The following REPS2 variants were observed in gnomAD, a reference collection of about 807,000 sequenced individuals.
REPS2 encodes ralBP1-associated Eps domain-containing protein 2.
REPS2 carries 23 observed loss-of-function variants against 53.6 expected under a neutral mutation model. The ratio of observed to expected loss-of-function variants is 0.43; its 90% CI spans 0.31 to 0.61. The LOEUF (loss-of-function observed/expected upper bound fraction) is 0.61, where lower values mean the gene tolerates loss of function less well. REPS2 is among the 20% of genes least tolerant of loss of function. REPS2 has a pLI of 0.11. For synonymous variants in REPS2, 238 were observed against 218.6 expected (o/e 1.09, Z -0.78); for missense variants, 446 against 534.9 (o/e 0.83, Z 1.64).
At chrX:17,155,862 T>G (rs2063609425), downstream of REPS2, among the ~76,000 whole-genome samples, 1 of 111,708 alleles carries the variant, frequency 9.0e-6, no homozygotes, top group African/African-American at 3.3e-5. Flanking sequence ...CTTCAGCTCT[T>G]TTTGAAAGGG....
intron 1 of REPS2, among the ~76,000 whole-genome samples, chrX:16,961,720 GAA>G (rs1212429682): frequency 8.9e-6 from 1 of 111,931 alleles, no homozygotes; most frequent in Non-Finnish European, 1.9e-5. Context: ...TGAATTGGAA[GAA>G]AATATTTGCG....
At chrX:17,084,973 A>G (rs1008154638) in intron 13 of REPS2, among the ~76,000 whole-genome samples, 1 of 110,969 alleles carries the variant, frequency 9.0e-6, no homozygotes, top group Non-Finnish European at 1.9e-5. Context: ...GGTCACAAAC[A>G]CTCCTCTTTT....
At chrX:17,072,186 A>G (rs1459671897) in intron 11 of REPS2, among the ~76,000 whole-genome samples, 2 of 112,521 alleles carry the variant, frequency 1.8e-5, no homozygotes, top group Non-Finnish European at 3.8e-5. Flanking sequence ...AACTAAATTT[A>G]GAAACCAGAT....
At chrX:16,951,546 C>A (rs1009815852) in intron 1 of REPS2, among the ~76,000 whole-genome samples, 3 of 36,181 alleles carry the variant, frequency 8.3e-5, no homozygotes, top group African/African-American at 1.3e-4. Context: ...CACACACACA[C>A]ACACACACAC....
chrX:17,128,349 G>A (rs993127275), intron 14 of REPS2, among the ~76,000 whole-genome samples: 1 of 109,471 alleles, frequency 9.1e-6, no homozygotes, highest in East Asian at 2.9e-4. Flanking sequence ...CCCTGTTTGA[G>A]ACAGGGGACT....
rs2061977971 is a variant in REPS2 at position 17,050,198 on chromosome X, T to TTTCTCTCTTTC, written c.908-2182_908-2181insCTCTCTTTCTT. ...TCTTTCTTTCTTTCTTTCTTTCTTT[T>TTTCTCTCTTTC]TTTTTTTTTTTTGACAGGGTCTTAC... On this transcript the variant is annotated intron_variant, in intron 6 of 17. Coordinates refer to ENST00000357277, the MANE Select transcript of REPS2 (RefSeq NM_004726.3). 2.6e-4 allele frequency among the ~76,000 whole-genome samples: 6 copies of TTTCTCTCTTTC among 22,962 alleles called. No individual in the cohort carries two copies. In the South Asian group the frequency reaches 0.013, roughly 48 times the overall value. The allele number at this position is 22,962 out of a possible 115,157, so 19.9% of individuals were successfully genotyped here. A position where few individuals can be genotyped will look rare whatever the true frequency, so the allele number is the denominator to read the frequency against.
chrX:17,107,379 C>A (rs2062888713), intron 14 of REPS2, among the ~76,000 whole-genome samples: 2 of 112,189 alleles, frequency 1.8e-5, no homozygotes, highest in Admixed American at 1.9e-4. Context: ...TTGAAAACTA[C>A]TATTCTCAAG....
At chrX:17,170,706 C>A in the REPS2 span, among the ~76,000 whole-genome samples, 2 of 112,232 alleles carry the variant, frequency 1.8e-5, no homozygotes, top group African/African-American at 6.5e-5. Context: ...ATAGGATGAT[C>A]TTTAGGAATT....
intron 1 of REPS2, among the ~76,000 whole-genome samples, chrX:16,956,490 C>T (rs764479975): frequency 2.7e-5 from 3 of 109,823 alleles, no homozygotes; most frequent in Non-Finnish European, 5.7e-5. Flanking sequence ...TTTGTAGAAA[C>T]GGGATTTTGC....
chrX:17,097,931 G>A (rs761384128), intron 13 of REPS2, among the ~76,000 whole-genome samples: 3 of 111,509 alleles, frequency 2.7e-5, no homozygotes, highest in South Asian at 3.7e-4. Context: ...AGAAAACTCC[G>A]GGCTCAGGTG....
intron 13 of REPS2, among the ~76,000 whole-genome samples, chrX:17,081,479 A>G (rs1443441611): frequency 8.9e-6 from 1 of 112,863 alleles, no homozygotes; most frequent in East Asian, 2.8e-4. Context: ...CTTTACATTT[A>G]TGAAAATAGG....
chrX:16,972,616 T>C (rs2060908228), intron 1 of REPS2, among the ~76,000 whole-genome samples: 1 of 111,868 alleles, frequency 8.9e-6, no homozygotes, highest in Non-Finnish European at 1.9e-5. Context: ...TCACTCTATG[T>C]CCATCTGTTT....
the REPS2 span, among the ~76,000 whole-genome samples, chrX:17,165,591 G>A: frequency 9.0e-6 from 1 of 111,668 alleles, no homozygotes; most frequent in African/African-American, 3.3e-5. Context: ...GTTGTCTGAG[G>A]GAGGAGCAGA....
chrX:16,992,574 A>T lies in REPS2; in HGVS notation c.274-13647A>T, dbSNP rs147288868. ...GCCCCAAAGCCCTTCCACCTTCCTT[A>T]TGTTTTTATTGCTGGTTTGATGTGC... On this transcript the variant is annotated intron_variant, in intron 1 of 17. Transcript: ENST00000357277. Among the ~76,000 whole-genome samples, 894 of 111,609 alleles carry T rather than the reference A, an allele frequency of 8.0e-3. 13 individuals carry two copies. The highest frequency in any genetic ancestry group is 0.028 in the African/African-American group (866 of 30,727).
chrX:17,102,369 C>G (rs1278498501), intron 13 of REPS2, among the ~76,000 whole-genome samples: 1 of 111,904 alleles, frequency 8.9e-6, no homozygotes, highest in Non-Finnish European at 1.9e-5. Context: ...GCATGAGGCA[C>G]CATGCCTGGC....
At position 16,946,738 on chromosome X, in the gene REPS2, TGGCGGCGGCGGTGGTGGC is replaced by T. The variant is rs1299699873; in HGVS notation, c.-112_-95del. 49 of 690,038 alleles carry T rather than the reference TGGCGGCGGCGGTGGTGGC, an allele frequency of 7.1e-5. No homozygotes were observed. In the Middle Eastern group the frequency reaches 3.2e-3, roughly 46 times the overall value. The allele number at this position is 690,038 out of a possible 1,213,427, so 56.9% of individuals were successfully genotyped here. A position where few individuals can be genotyped will look rare whatever the true frequency, so the allele number is the denominator to read the frequency against. On this transcript the variant is annotated 5_prime_UTR_variant, in exon 1 of 18. Transcript: ENST00000357277. Reference sequence around the variant, plus strand: ...CAGCTGCGGGGCGTGGGGGTGGTGGTGGCGGCGGCGGTGGTGGCGGCGGCGGCGGCGGCGGCAGCTGAG... The same window carrying T: ...CAGCTGCGGGGCGTGGGGGTGGTGGTGGCGGCGGCGGCGGCGGCAGCTGAG...
chrX:17,058,204 C>T (rs994581843), intron 8 of REPS2, among the ~76,000 whole-genome samples: 1 of 111,448 alleles, frequency 9.0e-6, no homozygotes, highest in Non-Finnish European at 1.9e-5. Flanking sequence ...CCTGTAATCT[C>T]AGCACTTTGG....
intron 13 of REPS2, among the ~76,000 whole-genome samples, chrX:17,093,200 A>ATATATATATATATATATAT (rs61196590): frequency 0.014 from 207 of 15,099 alleles, 2 homozygotes; most frequent in African/African-American, 0.015. Flanking sequence ...ATATATATAT[A>ATATATATATATATATATAT]ATTTTTTTTT....
chrX:17,031,588 G>T (rs749051728), intron 5 of REPS2, among the ~76,000 whole-genome samples: 2 of 112,192 alleles, frequency 1.8e-5, no homozygotes, highest in Admixed American at 9.4e-5. Context: ...CCACCACAAA[G>T]TAAATGTATA....
Sources: gnomAD v4.1 joint callset for allele counts (sites outside exome capture counted in the v4.1 genomes callset) on GRCh38, gnomAD v4.1.1 for gene constraint, MANE v1.5 for transcripts, NCBI Gene and HGNC (gene_info 2026-07-23, HGNC 2026-07-21) for gene names.